Variants in SGCD observed in about 807,000 individuals in gnomAD.
SGCD encodes the protein sarcoglycan delta, also known as delta-sarcoglycan.
Under a neutral mutation model 36.6 loss-of-function variants are expected in SGCD, and 18 were observed. The ratio of observed to expected loss-of-function variants is 0.49; its 90% CI spans 0.34 to 0.73. The LOEUF is 0.73. Among genes scored for constraint, SGCD ranks in the 30% least tolerant of loss-of-function variants. The pLI is 0.01. For missense variants in SGCD, 387 were observed against 346.7 expected (o/e 1.12, Z -0.92); for synonymous variants, 133 against 130.6 (o/e 1.02, Z -0.12).
At chr5:156,237,972 G>A (rs866993808) in intron 3 of SGCD, among the ~76,000 whole-genome samples, 1 of 150,020 alleles carries the variant, frequency 6.7e-6, no homozygotes, top group Non-Finnish European at 1.5e-5. Context: ...TTTTGAGACA[G>A]AGTCTCACTC....
chr5:156,574,310 C>T (rs763332653), intron 4 of SGCD, among the ~76,000 whole-genome samples: 10 of 152,160 alleles, frequency 6.6e-5, no homozygotes, highest in Non-Finnish European at 1.5e-4. Context: ...GCTTAGCAAC[C>T]ATCAGTGCCA....
At chr5:156,610,431 T>G (rs1176489518) in intron 6 of SGCD, among the ~76,000 whole-genome samples, 1 of 152,202 alleles carries the variant, frequency 6.6e-6, no homozygotes, top group Admixed American at 6.5e-5. Context: ...TACCCGGCTG[T>G]GTGAGGTGTT....
intron 1 of SGCD, among the ~76,000 whole-genome samples, chr5:156,047,781 T>A (rs13355511): frequency 1.3e-3 from 205 of 152,244 alleles, no homozygotes; most frequent in African/African-American, 4.8e-3. Flanking sequence ...CTCCAGCCCA[T>A]GGATCAAAGA....
chr5:156,527,683 A>G (rs76344799), intron 4 of SGCD, among the ~76,000 whole-genome samples: 1 of 152,098 alleles, frequency 6.6e-6, no homozygotes, highest in South Asian at 2.1e-4. Flanking sequence ...CTTTTTTTTA[A>G]GTCATGAAAT....
At chr5:155,884,378 T>C (rs1755959933) in intron 1 of SGCD, among the ~76,000 whole-genome samples, 1 of 152,206 alleles carries the variant, frequency 6.6e-6, no homozygotes, top group Non-Finnish European at 1.5e-5. Flanking sequence ...CCCCGTTCTC[T>C]GCCACGATGC....
At chr5:156,467,407 C>T (rs1421296380) in intron 3 of SGCD, among the ~76,000 whole-genome samples, 2 of 152,100 alleles carry the variant, frequency 1.3e-5, no homozygotes, top group Non-Finnish European at 2.9e-5. Context: ...CACATTTTTT[C>T]TCACTGCACT....
chr5:156,346,382 A>AT (rs1331089650), intron 3 of SGCD, among the ~76,000 whole-genome samples: 6 of 152,128 alleles, frequency 3.9e-5, no homozygotes, highest in Non-Finnish European at 1.5e-5. Context: ...CACTGCAGCC[A>AT]TGGACTCCTG....
At chr5:156,121,576 G>A (rs1762041448) in intron 2 of SGCD, among the ~76,000 whole-genome samples, 1 of 151,934 alleles carries the variant, frequency 6.6e-6, no homozygotes, top group South Asian at 2.1e-4. Context: ...GGGAGCTGAA[G>A]ATCTTCAAAG....
At chr5:155,823,473 A>G in the SGCD span, among the ~76,000 whole-genome samples, 2 of 152,176 alleles carry the variant, frequency 1.3e-5, no homozygotes, top group African/African-American at 4.8e-5. Flanking sequence ...AACACCCTTA[A>G]GTAAACACAC....
chr5:155,912,474 T>C (rs1321997405), intron 1 of SGCD, among the ~76,000 whole-genome samples: 3 of 152,158 alleles, frequency 2.0e-5, no homozygotes, highest in Admixed American at 2.0e-4. Context: ...TCTGTCCAAA[T>C]GGCATTCGAA....
chr5:156,443,956 C>T (rs979757178), intron 3 of SGCD, among the ~76,000 whole-genome samples: 1 of 152,060 alleles, frequency 6.6e-6, no homozygotes, highest in African/African-American at 2.4e-5. Context: ...CTTTATAAAT[C>T]AGAATCTCAA....
At chr5:156,018,280 T>G in intron 1 of SGCD, among the ~76,000 whole-genome samples, 1 of 152,206 alleles carries the variant, frequency 6.6e-6, no homozygotes, top group Non-Finnish European at 1.5e-5. Context: ...GGAGTGTCTT[T>G]AGTACTCCAT....
intron 1 of SGCD, among the ~76,000 whole-genome samples, chr5:155,965,453 T>C (rs1193353549): frequency 1.3e-5 from 2 of 152,150 alleles, no homozygotes; most frequent in African/African-American, 4.8e-5. Context: ...TTCTTTTTTA[T>C]GTCTCACTTT....
At chr5:156,250,171 T>A (rs1200093199) in intron 3 of SGCD, among the ~76,000 whole-genome samples, 1 of 152,206 alleles carries the variant, frequency 6.6e-6, no homozygotes, top group Non-Finnish European at 1.5e-5. Context: ...TTTCTTCTTT[T>A]TTGTCATTTA....
Position 156,757,685 on chromosome 5 carries a change from T to C in SGCD, c.680T>C (p.Leu227Pro), listed in dbSNP as rs1363840857. 6.2e-7 allele frequency: 1 copy of C among 1,606,616 alleles called. No individual in the cohort carries two copies. Among genetic ancestry groups the C allele is most frequent in the Non-Finnish European group, 8.5e-7 (1 of 1,176,664 alleles). The change falls in exon 8 of 9, where the codon CTG becomes CCG. Residue 227 changes from leucine (L) to proline (P), a missense_variant. By Grantham distance (98) the Leu-to-Pro change is moderately conservative (BLOSUM62 -3). Coordinates refer to ENST00000337851, the MANE Select transcript of SGCD (RefSeq NM_000337.6). ...MEATCRTELRLESKDGEIKLD... is the reference protein window; with the variant it reads ...MEATCRTELRPESKDGEIKLD... ...GCCACCTGCAGGACAGAGCTGAGAC[T>C]GGAATCCAAAGATGGAGAGGTGAGG...
intron 3 of SGCD, among the ~76,000 whole-genome samples, chr5:156,181,360 A>C (rs1763600934): frequency 6.6e-6 from 1 of 152,232 alleles, no homozygotes; most frequent in East Asian, 1.9e-4. Context: ...CATGGACTAA[A>C]AAACTTGCTA....
At chr5:156,734,598 AG>A (rs1294927018) in intron 7 of SGCD, among the ~76,000 whole-genome samples, 8 of 152,058 alleles carry the variant, frequency 5.3e-5, no homozygotes, top group Admixed American at 1.3e-4. Context: ...TTTTTTCTCT[AG>A]TCAGAAAGGC....
chr5:156,073,387 G>A (rs954356625), intron 1 of SGCD, among the ~76,000 whole-genome samples: 4 of 152,064 alleles, frequency 2.6e-5, no homozygotes, highest in Non-Finnish European at 1.5e-5. Flanking sequence ...GTGAGACCTT[G>A]CCTCTACAAA....
Position 156,175,423 on chromosome 5 carries a change from T to C in SGCD, c.-44+51404T>C, listed in dbSNP as rs1284564285. Among the ~76,000 whole-genome samples, 7 of 152,182 alleles carry C rather than the reference T, an allele frequency of 4.6e-5. No individual in the cohort carries two copies. In the East Asian group the frequency reaches 1.4e-3, roughly 29 times the overall value. ...GCACTCTACTTAGAAAAAAAAAATA[T>C]TCGTGTACCTTAACATTTACCAAAT... On this transcript the variant is annotated intron_variant, in intron 3 of 9. Coordinates refer to the SGCD transcript ENST00000517913.
Sources: allele counts gnomAD v4.1 joint callset (sites outside exome capture counted in the v4.1 genomes callset), GRCh38; gene constraint gnomAD v4.1.1; transcripts MANE v1.5; gene names NCBI Gene and HGNC (gene_info 2026-07-23, HGNC 2026-07-21).